Variants in CIMIP1 observed in about 807,000 individuals in gnomAD.
The protein encoded by CIMIP1 is ciliary microtubule inner protein 1, also known as low in lung cancer 1.
chr20:58,151,970 G>A, the CIMIP1 span, among the ~76,000 whole-genome samples: 2 of 152,090 alleles, frequency 1.3e-5, no homozygotes, highest in African/African-American at 4.8e-5. Flanking sequence ...TAAGTAAGTT[G>A]TAGTAACAAT....
At chr20:58,160,627 G>A in the CIMIP1 span, 26 of 1,597,134 alleles carry the variant, frequency 1.6e-5, no homozygotes, top group East Asian at 2.2e-5. Context: ...CTCTGTGGCC[G>A]AAGGTCACTA....
At chr20:58,151,633 T>C in the CIMIP1 span, among the ~76,000 whole-genome samples, 1 of 152,132 alleles carries the variant, frequency 6.6e-6, no homozygotes, top group Non-Finnish European at 1.5e-5. Flanking sequence ...CAGGCAGGTC[T>C]TGAATTCCTG....
the CIMIP1 span, chr20:58,155,492 C>T: frequency 2.5e-6 from 4 of 1,614,094 alleles, no homozygotes; most frequent in Middle Eastern, 3.3e-4. Flanking sequence ...AGAAGATCTC[C>T]CCACCCCAAA....
the CIMIP1 span, among the ~76,000 whole-genome samples, chr20:58,154,632 AG>A: frequency 6.6e-6 from 1 of 152,266 alleles, no homozygotes; most frequent in Non-Finnish European, 1.5e-5. Flanking sequence ...TTTTATGCAT[AG>A]AATGAGTTCT....
chr20:58,154,525 A>G, the CIMIP1 span, among the ~76,000 whole-genome samples: 1 of 152,226 alleles, frequency 6.6e-6, no homozygotes, highest in African/African-American at 2.4e-5. Flanking sequence ...ACAGCAGTGT[A>G]AAGCCCATTT....
the CIMIP1 span, chr20:58,160,825 C>A: frequency 1.2e-6 from 2 of 1,609,822 alleles, no homozygotes; most frequent in African/African-American, 2.7e-5. Context: ...TGCACTGAAT[C>A]CAGACGGAGT....
the CIMIP1 span, chr20:58,160,645 T>C: frequency 6.2e-7 from 1 of 1,609,544 alleles, no homozygotes. Context: ...CTAAATCCCC[T>C]GTATTTCCAT....
At chr20:58,160,436 A>G in the CIMIP1 span, among the ~76,000 whole-genome samples, 6 of 152,332 alleles carry the variant, frequency 3.9e-5, no homozygotes, top group East Asian at 1.2e-3. Flanking sequence ...GTCATGAATT[A>G]AATATGTTAG....
At chr20:58,158,432 C>T in the CIMIP1 span, among the ~76,000 whole-genome samples, 1 of 152,158 alleles carries the variant, frequency 6.6e-6, no homozygotes, top group African/African-American at 2.4e-5. Flanking sequence ...AGGCGGATCA[C>T]GAGGTCAGGA....
chr20:58,155,454 G>A, the CIMIP1 span: 3 of 1,602,276 alleles, frequency 1.9e-6, no homozygotes, highest in African/African-American at 1.3e-5. Flanking sequence ...CCATCTCTGG[G>A]GATTCTGTTT....
chr20:58,152,803 T>A, the CIMIP1 span, among the ~76,000 whole-genome samples: 1 of 151,970 alleles, frequency 6.6e-6, no homozygotes, highest in African/African-American at 2.4e-5. Flanking sequence ...ACATTTCAAA[T>A]TGTGTATGCA....
the CIMIP1 span, chr20:58,151,089 A>G: frequency 6.8e-7 from 1 of 1,479,618 alleles, no homozygotes; most frequent in East Asian, 2.4e-5. Context: ...AAGTGTCCAC[A>G]TCTGGGGTCT....
the CIMIP1 span, among the ~76,000 whole-genome samples, chr20:58,153,118 G>A: frequency 1.7e-3 from 255 of 152,260 alleles, no homozygotes; most frequent in Non-Finnish European, 2.8e-3. Context: ...AGGCACTTGC[G>A]CTGCAATATT....
chr20:58,153,597 G>A, the CIMIP1 span: 1 of 1,613,826 alleles, frequency 6.2e-7, no homozygotes, highest in South Asian at 1.1e-5. Context: ...CCCCAGAACT[G>A]GGGGTTTTTA....
At chr20:58,152,638 C>T in the CIMIP1 span, among the ~76,000 whole-genome samples, 7 of 147,090 alleles carry the variant, frequency 4.8e-5, no homozygotes, top group Admixed American at 7.1e-5. Context: ...AGGAGAATTG[C>T]TTGAACCCAG....
At chr20:58,158,391 C>T in the CIMIP1 span, among the ~76,000 whole-genome samples, 1 of 152,254 alleles carries the variant, frequency 6.6e-6, no homozygotes, top group Non-Finnish European at 1.5e-5. Context: ...TGGCTCAAGC[C>T]TGTGATCCCA....
the CIMIP1 span, among the ~76,000 whole-genome samples, chr20:58,152,078 T>A: frequency 6.6e-6 from 1 of 152,258 alleles, no homozygotes; most frequent in Non-Finnish European, 1.5e-5. Context: ...TCACTTCATA[T>A]GTGTCTTTAA....
the CIMIP1 span, among the ~76,000 whole-genome samples, chr20:58,156,525 A>G: frequency 1.3e-5 from 2 of 152,030 alleles, no homozygotes; most frequent in African/African-American, 4.8e-5. Flanking sequence ...AGGAGTTGCA[A>G]TTGGAGTCCA....
the CIMIP1 span, among the ~76,000 whole-genome samples, chr20:58,156,016 G>A: frequency 1.1e-4 from 17 of 152,172 alleles, no homozygotes; most frequent in African/African-American, 4.1e-4. Context: ...GGTTAATGAA[G>A]CACCTACTTC....
Sources: allele counts gnomAD v4.1 joint callset (sites outside exome capture counted in the v4.1 genomes callset), GRCh38; gene constraint gnomAD v4.1.1; transcripts MANE v1.5; gene names NCBI Gene and HGNC (gene_info 2026-07-23, HGNC 2026-07-21).